The following DCC variants were observed in gnomAD, a reference collection of about 807,000 sequenced individuals.
The protein encoded by DCC is netrin receptor DCC.
A neutral mutation model predicts 172.5 loss-of-function variants in DCC; 58 were observed. The ratio of observed to expected loss-of-function variants is 0.34; its 90% CI spans 0.27 to 0.42. The LOEUF (loss-of-function observed/expected upper bound fraction) is 0.42, where lower values mean the gene tolerates loss of function less well. Among genes scored for constraint, DCC ranks in the 10% least tolerant of loss-of-function variants. DCC has a pLI of 1.00. For missense variants in DCC, 1,740 were observed against 1,791.0 expected (o/e 0.97, Z 0.51); for synonymous variants, 709 against 644.5 (o/e 1.10, Z -1.52).
At chr18:53,363,864 A>G (rs1266960236) in intron 15 of DCC, among the ~76,000 whole-genome samples, 1 of 152,166 alleles carries the variant, frequency 6.6e-6, no homozygotes, top group African/African-American at 2.4e-5. Flanking sequence ...GCCTGGCTTC[A>G]CTGAGAGTCA....
intron 1 of DCC, among the ~76,000 whole-genome samples, chr18:52,724,874 G>C (rs2036528193): frequency 6.6e-6 from 1 of 152,130 alleles, no homozygotes; most frequent in Non-Finnish European, 1.5e-5. Flanking sequence ...TCACTACTAA[G>C]GAAGCCTAAC....
chr18:52,803,794 A>G (rs1336530222), intron 2 of DCC, among the ~76,000 whole-genome samples: 3 of 152,248 alleles, frequency 2.0e-5, no homozygotes, highest in African/African-American at 4.8e-5. Context: ...CCACACACTC[A>G]TGGACCTCTC....
chr18:53,209,473 T>C (rs537485891), intron 11 of DCC, among the ~76,000 whole-genome samples: 1 of 152,198 alleles, frequency 6.6e-6, no homozygotes, highest in Non-Finnish European at 1.5e-5. Flanking sequence ...CTTTAGCTTG[T>C]GATTTCTTGA....
chr18:52,763,128 T>C (rs989058033), intron 2 of DCC, among the ~76,000 whole-genome samples: 18 of 150,828 alleles, frequency 1.2e-4, no homozygotes, highest in Admixed American at 9.9e-4. Context: ...AAAAATCTGC[T>C]TTAAAAAATC....
intron 1 of DCC, among the ~76,000 whole-genome samples, chr18:52,583,043 A>C (rs2033589683): frequency 6.6e-6 from 1 of 152,156 alleles, no homozygotes. Context: ...CAGAAAATTC[A>C]AATAGGGACC....
intron 12 of DCC, among the ~76,000 whole-genome samples, chr18:53,297,751 G>A (rs779623534): frequency 7.2e-5 from 11 of 152,152 alleles, no homozygotes; most frequent in Admixed American, 2.0e-4. Flanking sequence ...AGAAAAGAAT[G>A]CCTGAATGCT....
chr18:53,208,077 A>T (rs2055682204), intron 11 of DCC, among the ~76,000 whole-genome samples: 1 of 151,830 alleles, frequency 6.6e-6, no homozygotes, highest in South Asian at 2.1e-4. Flanking sequence ...CCACCTGAAC[A>T]ACATAGTGAG....
At chr18:52,628,790 A>G (rs1021559544) in intron 1 of DCC, among the ~76,000 whole-genome samples, 61 of 152,226 alleles carry the variant, frequency 4.0e-4, no homozygotes, top group African/African-American at 1.5e-3. Context: ...AGCTGGCCTG[A>G]GCTAGAACTT....
At chr18:53,339,138 C>A (rs2057625060) in intron 14 of DCC, among the ~76,000 whole-genome samples, 1 of 152,184 alleles carries the variant, frequency 6.6e-6, no homozygotes, top group Non-Finnish European at 1.5e-5. Flanking sequence ...GGTTGTGAGG[C>A]TTTAATCCAG....
chr18:53,212,452 A>G (rs2055769515), intron 11 of DCC, among the ~76,000 whole-genome samples: 1 of 152,162 alleles, frequency 6.6e-6, no homozygotes, highest in African/African-American at 2.4e-5. Context: ...TAATATGGAA[A>G]TTGATAGTGA....
rs553689265 is a variant in DCC, at chr18:52,380,622, T to C, written c.91+39744T>C. Among the ~76,000 whole-genome samples the C allele has an allele frequency of 1.4e-4, 22 of 152,252 alleles. No homozygotes were observed. The South Asian group carries it at 4.1e-3, about 29-fold the overall frequency. On this transcript the variant is annotated intron_variant, in intron 1 of 28. Transcript: ENST00000442544. ...TAACCATGAGTTTTACATTTGTCTC[T>C]GAATATCTTAGGTGATTTTATAAAC...
intron 1 of DCC, among the ~76,000 whole-genome samples, chr18:52,721,135 G>A (rs1017910548): frequency 6.6e-6 from 1 of 152,160 alleles, no homozygotes; most frequent in Non-Finnish European, 1.5e-5. Flanking sequence ...CCTTAGCAGA[G>A]GGCCTCAGTG....
chr18:53,222,780 G>C (rs1381396040), intron 12 of DCC, among the ~76,000 whole-genome samples: 1 of 152,104 alleles, frequency 6.6e-6, no homozygotes, highest in South Asian at 2.1e-4. Context: ...GCTATGAGAA[G>C]TATTTGTTTA....
At chr18:53,118,498 G>T (rs2043438856) in intron 7 of DCC, among the ~76,000 whole-genome samples, 1 of 151,684 alleles carries the variant, frequency 6.6e-6, no homozygotes, top group Non-Finnish European at 1.5e-5. Context: ...GATTGCCCTT[G>T]TGCATATTGT....
Position 53,102,939 on chromosome 18 carries a change from C to T in DCC, c.1261+36773C>T, listed in dbSNP as rs559413171. Among the ~76,000 whole-genome samples, 3 of 152,156 alleles carry T rather than the reference C, an allele frequency of 2.0e-5. No individual in the cohort carries two copies. In the South Asian group the frequency reaches 6.2e-4, roughly 32 times the overall value. Reference sequence around the variant, plus strand: ...GATTGCCTGGATTATTTCATTTTATCCTTGCCACTTAAGGAGAAAATTAAA... The same window carrying T: ...GATTGCCTGGATTATTTCATTTTATTCTTGCCACTTAAGGAGAAAATTAAA... On this transcript the variant is annotated intron_variant, in intron 7 of 28. Transcript: ENST00000442544.
intron 2 of DCC, among the ~76,000 whole-genome samples, chr18:52,835,292 T>C (rs989282889): frequency 6.6e-6 from 1 of 150,574 alleles, no homozygotes; most frequent in African/African-American, 2.5e-5. Context: ...CAAGAATAAT[T>C]CAATTTTAAA....
chr18:53,215,593 C>G lies in DCC; in HGVS notation c.1907C>G (p.Ser636Ter). The G allele has an allele frequency of 6.2e-7, 1 of 1,613,126 alleles. No individual in the cohort carries two copies. Residue 636 changes from serine (S) to a stop codon, truncating the protein, a stop_gained, in exon 12 of 29, where the codon TCA becomes TGA. Transcript: ENST00000442544. LOFTEE classifies it high-confidence loss of function. ...AACGTCTCCCTGGAAGTGGTCAATT[C>G]AAGAGTAAGTTGGCTAAATGTTCAC... ...PQNVSLEVVNSRSIKVSWLPP... is the reference protein window; with the variant it reads ...PQNVSLEVVN
At chr18:53,333,481 G>C (rs889855994) in intron 14 of DCC, among the ~76,000 whole-genome samples, 2 of 152,204 alleles carry the variant, frequency 1.3e-5, no homozygotes, top group African/African-American at 4.8e-5. Flanking sequence ...GCCATCTATA[G>C]CAGGCAGTAT....
chr18:53,191,142 TA>T (rs1034728224), intron 9 of DCC, among the ~76,000 whole-genome samples: 1 of 152,240 alleles, frequency 6.6e-6, no homozygotes, highest in East Asian at 1.9e-4. Flanking sequence ...TGCAGTGAAA[TA>T]AAAAATAATG....
Sources: allele counts gnomAD v4.1 joint callset (sites outside exome capture counted in the v4.1 genomes callset), GRCh38; gene constraint gnomAD v4.1.1; transcripts MANE v1.5; gene names NCBI Gene and HGNC (gene_info 2026-07-23, HGNC 2026-07-21).